NEBL: variants seen among roughly 807,000 people sequenced by gnomAD.
NEBL encodes LIM and SH3 protein 2.
A neutral mutation model predicts 140.2 loss-of-function variants in NEBL; 122 were observed. The ratio of observed to expected loss-of-function variants is 0.87; its 90% CI spans 0.75 to 1.01. The LOEUF (loss-of-function observed/expected upper bound fraction) is 1.01. Ranked by LOEUF, NEBL falls within the 50% of genes least tolerant of loss-of-function variation. The pLI is 0.00. For missense variants in NEBL, 1,365 were observed against 1,231.3 expected (o/e 1.11, Z -1.62); for synonymous variants, 436 against 398.9 (o/e 1.09, Z -1.11).
chr10:20,895,624 A>G (rs567243232), intron 2 of NEBL, among the ~76,000 whole-genome samples: 161 of 152,354 alleles, frequency 1.1e-3, no homozygotes, highest in African/African-American at 3.7e-3. Flanking sequence ...TGCAATTTAC[A>G]GAGAACTTTC....
chr10:20,808,276 T>C (rs1446257402), intron 26 of NEBL, among the ~76,000 whole-genome samples: 1 of 152,100 alleles, frequency 6.6e-6, no homozygotes, highest in East Asian at 1.9e-4. Flanking sequence ...TACAAATCCA[T>C]TGCTGCGATA....
intron 1 of NEBL, among the ~76,000 whole-genome samples, chr10:21,254,772 A>G (rs530085034): frequency 2.0e-5 from 3 of 152,130 alleles, no homozygotes; most frequent in African/African-American, 4.8e-5. Context: ...AGCTGCACCC[A>G]CCAGTAGCTG....
At chr10:20,838,456 T>A (rs1841104468) in intron 13 of NEBL, among the ~76,000 whole-genome samples, 1 of 152,208 alleles carries the variant, frequency 6.6e-6, no homozygotes, top group East Asian at 1.9e-4. Flanking sequence ...TTGCTTCCAA[T>A]GGACAAGCAA....
At position 21,173,746 on chromosome 10, in the gene NEBL, C is replaced by G; in HGVS notation, c.69+19G>C. 1 of 1,611,700 alleles carries G rather than the reference C, an allele frequency of 6.2e-7. No homozygotes were observed. The highest frequency in any genetic ancestry group is 8.5e-7 in the Non-Finnish European group (1 of 1,179,462). On this transcript the variant is annotated intron_variant, in intron 1 of 6. Transcript: ENST00000417816. The surrounding 1 kb of genome is among the most constrained non-coding windows in gnomAD (Gnocchi z 5.7). ...CCTCGCCCGGCAGGTCCAGGCTGGC[C>G]CGGCGCCCCCTCGCTCACCTTATCC...
At chr10:20,831,684 G>A in intron 14 of NEBL, 101 bp from the exon 15 acceptor site, 1 of 760,830 alleles carries the variant, frequency 1.3e-6, no homozygotes, top group Non-Finnish European at 2.3e-6. Context: ...CTTTTGGAAT[G>A]AAGTTGAATC....
At chr10:20,866,291 ATGG>A (rs1360674313) in intron 7 of NEBL, among the ~76,000 whole-genome samples, 1 of 152,120 alleles carries the variant, frequency 6.6e-6, no homozygotes, top group Non-Finnish European at 1.5e-5. Flanking sequence ...CTGGAGATGG[ATGG>A]TGGTGAGGGT....
intron 19 of NEBL, among the ~76,000 whole-genome samples, chr10:20,820,175 C>A (rs941074638): frequency 1.3e-5 from 2 of 152,154 alleles, no homozygotes; most frequent in African/African-American, 2.4e-5. Flanking sequence ...AAACCTTGAA[C>A]TTCAAAGGTT....
At chr10:20,902,772 C>T (rs918281219) in intron 4 of NEBL, among the ~76,000 whole-genome samples, 1 of 152,048 alleles carries the variant, frequency 6.6e-6, no homozygotes, top group Non-Finnish European at 1.5e-5. Flanking sequence ...GAGGAAGAAA[C>T]CTAAGCTCTT....
chr10:21,213,456 A>G (rs1411430197), intron 3 of NEBL, among the ~76,000 whole-genome samples: 1 of 152,186 alleles, frequency 6.6e-6, no homozygotes, highest in African/African-American at 2.4e-5. Context: ...AGTGTCTATA[A>G]AATGCACTTT....
At chr10:20,860,038 G>A (rs1843514735) in intron 7 of NEBL, among the ~76,000 whole-genome samples, 1 of 151,888 alleles carries the variant, frequency 6.6e-6, no homozygotes, top group African/African-American at 2.4e-5. Context: ...AATGCAATTA[G>A]GCATGAACTC....
intron 1 of NEBL, among the ~76,000 whole-genome samples, chr10:21,260,916 C>A (rs547567408): frequency 3.3e-5 from 5 of 152,182 alleles, no homozygotes; most frequent in Non-Finnish European, 7.3e-5. Flanking sequence ...GTCACAGGCG[C>A]TCTCGATACT....
intron 2 of NEBL, among the ~76,000 whole-genome samples, chr10:21,151,836 T>G (rs1840150738): frequency 6.6e-6 from 1 of 152,206 alleles, no homozygotes; most frequent in Non-Finnish European, 1.5e-5. Context: ...CCCAACCAAG[T>G]GAAACTTATC....
chr10:21,206,960 TTTTC>T (rs1476010323), intron 3 of NEBL, among the ~76,000 whole-genome samples: 2 of 150,418 alleles, frequency 1.3e-5, no homozygotes, highest in African/African-American at 5.0e-5. Context: ...ATCATTTTCT[TTTTC>T]TTTCTTTTTT....
chr10:21,259,838 G>A (rs1442088430), intron 1 of NEBL, among the ~76,000 whole-genome samples: 4 of 152,142 alleles, frequency 2.6e-5, no homozygotes, highest in Non-Finnish European at 5.9e-5. Context: ...TAGAGGGCAG[G>A]GGGGTGGATC....
chr10:20,920,770 A>G (rs1833544597), intron 4 of NEBL, among the ~76,000 whole-genome samples: 2 of 152,192 alleles, frequency 1.3e-5, no homozygotes, highest in South Asian at 4.1e-4. Flanking sequence ...AAATATATAA[A>G]TAACTCAGAA....
intron 2 of NEBL, among the ~76,000 whole-genome samples, chr10:21,126,487 T>C (rs1382494839): frequency 1.3e-5 from 2 of 152,024 alleles, no homozygotes; most frequent in Non-Finnish European, 2.9e-5. Flanking sequence ...AAAACAAAAA[T>C]AGTAGATTTT....
intron 2 of NEBL, among the ~76,000 whole-genome samples, chr10:21,050,572 C>A (rs1031282585): frequency 6.6e-6 from 1 of 152,134 alleles, no homozygotes; most frequent in African/African-American, 2.4e-5. Context: ...AACAATGAAC[C>A]AGCAGTAAAG....
At chr10:20,906,920 G>C (rs998030262) in intron 4 of NEBL, among the ~76,000 whole-genome samples, 1 of 151,728 alleles carries the variant, frequency 6.6e-6, no homozygotes, top group African/African-American at 2.4e-5. Context: ...TTCATACTAC[G>C]CACTACAATG....
intron 2 of NEBL, among the ~76,000 whole-genome samples, chr10:21,135,791 G>T (rs1045210354): frequency 2.0e-5 from 3 of 152,100 alleles, no homozygotes; most frequent in Admixed American, 1.3e-4. Flanking sequence ...AGTGCTGAAG[G>T]TCCTATTTTC....
Sources: gnomAD v4.1 joint callset for allele counts (sites outside exome capture counted in the v4.1 genomes callset) on GRCh38, gnomAD v4.1.1 for gene constraint, Gnocchi (gnomAD v3.1) non-coding constraint, MANE v1.5 for transcripts, NCBI Gene and HGNC (gene_info 2026-07-23, HGNC 2026-07-21) for gene names.